ACYP2: variants seen among roughly 807,000 people sequenced by gnomAD.
The protein encoded by ACYP2 is acylphosphatase-2.
Under a neutral mutation model 11.2 loss-of-function variants are expected in ACYP2, and 12 were observed. The observed-to-expected ratio is 1.08, with a 90% CI of 0.69 to 1.74. ACYP2 has a LOEUF of 1.74. Among genes scored for constraint, ACYP2 ranks in the 40% most tolerant of loss-of-function variants. ACYP2 has a pLI of 0.00. For synonymous variants in ACYP2, 43 were observed against 32.2 expected, an observed-to-expected ratio of 1.33 and a Z score of -1.13; for missense variants, 134 against 101.9, an observed-to-expected ratio of 1.31 and a Z score of -1.35.
intron 2 of ACYP2, among the ~76,000 whole-genome samples, chr2:54,039,849 G>A (rs1363066044): frequency 6.6e-6 from 1 of 150,774 alleles, no homozygotes; most frequent in African/African-American, 2.4e-5. Context: ...GTGTGTGTGT[G>A]TGTGTGTGTG....
chr2:54,111,765 T>G (rs1679474025), intron 4 of ACYP2, among the ~76,000 whole-genome samples: 1 of 152,260 alleles, frequency 6.6e-6, no homozygotes, highest in Admixed American at 6.5e-5. Flanking sequence ...ACTTTCAACA[T>G]AATGATTACA....
At chr2:54,209,300 T>C (rs1012474827) in intron 6 of ACYP2, among the ~76,000 whole-genome samples, 8 of 152,196 alleles carry the variant, frequency 5.3e-5, no homozygotes, top group African/African-American at 9.7e-5. Context: ...TAGTTAATAA[T>C]TGTAATGGAA....
intron 6 of ACYP2, among the ~76,000 whole-genome samples, chr2:54,264,276 G>A (rs2104054309): frequency 6.6e-6 from 1 of 152,308 alleles, no homozygotes; most frequent in Admixed American, 6.5e-5. Flanking sequence ...AAGATGTGTT[G>A]TGAAGAGTGA....
chr2:54,219,827 GTATA>G (rs1291541821), intron 6 of ACYP2, among the ~76,000 whole-genome samples: 1 of 143,196 alleles, frequency 7.0e-6, no homozygotes, highest in African/African-American at 2.6e-5. Context: ...ATGTGTGTGT[GTATA>G]TATATGTGTA....
At chr2:54,086,731 G>A (rs1286623589) in intron 4 of ACYP2, among the ~76,000 whole-genome samples, 9 of 152,330 alleles carry the variant, frequency 5.9e-5, no homozygotes, top group Admixed American at 3.3e-4. Flanking sequence ...TGAAACAAGC[G>A]CAGACTGCTA....
At chr2:54,003,937 A>G (rs891982398) in intron 2 of ACYP2, among the ~76,000 whole-genome samples, 1 of 151,780 alleles carries the variant, frequency 6.6e-6, no homozygotes, top group Non-Finnish European at 1.5e-5. Context: ...ATTCTCATAG[A>G]TGCGTAGTGG....
At chr2:54,150,877 G>C (rs1269210131) in intron 6 of ACYP2, among the ~76,000 whole-genome samples, 2 of 151,842 alleles carry the variant, frequency 1.3e-5, no homozygotes, top group South Asian at 2.1e-4. Flanking sequence ...GAGTAGCTGG[G>C]ACTACAGGCG....
At chr2:54,138,476 G>A (rs574978601) in intron 5 of ACYP2, among the ~76,000 whole-genome samples, 163 bp from the exon 3 acceptor site, 4 of 152,254 alleles carry the variant, frequency 2.6e-5, no homozygotes, top group African/African-American at 9.6e-5. Context: ...TTTATGTGAA[G>A]GTTCTTATAA....
chr2:54,135,890 G>A (rs745541709), intron 5 of ACYP2, among the ~76,000 whole-genome samples: 36 of 152,264 alleles, frequency 2.4e-4, no homozygotes, highest in Admixed American at 1.4e-3. Flanking sequence ...GCCACGTCGT[G>A]TTTTAAAATT....
intron 6 of ACYP2, among the ~76,000 whole-genome samples, chr2:54,165,532 C>G (rs1383961046): frequency 7.8e-6 from 1 of 128,076 alleles, no homozygotes; most frequent in Non-Finnish European, 1.7e-5. Flanking sequence ...CTCTCTCTCT[C>G]TCTCACACAC....
chr2:54,146,256 CT>C (rs1681875196), intron 6 of ACYP2, among the ~76,000 whole-genome samples: 1 of 152,164 alleles, frequency 6.6e-6, no homozygotes. Context: ...TGTTTATTCC[CT>C]CAGAAAGTTT....
intron 6 of ACYP2, among the ~76,000 whole-genome samples, chr2:54,208,065 G>A (rs1376296050): frequency 6.6e-6 from 1 of 152,008 alleles, no homozygotes; most frequent in Non-Finnish European, 1.5e-5. Flanking sequence ...GTGATTTGCT[G>A]TTCCTTGATG....
chr2:54,121,085 C>T (rs899550577), intron 4 of ACYP2, among the ~76,000 whole-genome samples: 5 of 152,166 alleles, frequency 3.3e-5, no homozygotes, highest in African/African-American at 1.2e-4. Flanking sequence ...TTTGCACCTG[C>T]CATTCGCTCT....
At chr2:53,988,569 T>C (rs983828896) in intron 2 of ACYP2, among the ~76,000 whole-genome samples, 14 of 151,582 alleles carry the variant, frequency 9.2e-5, no homozygotes, top group African/African-American at 3.4e-4. Flanking sequence ...CCTGGCTATA[T>C]ATATGTATAT....
intron 6 of ACYP2, among the ~76,000 whole-genome samples, chr2:54,262,724 T>C (rs1687835053): frequency 6.6e-6 from 1 of 152,222 alleles, no homozygotes; most frequent in Non-Finnish European, 1.5e-5. Context: ...TACTTTTTTT[T>C]TTTAGAAATA....
chr2:54,115,459 C>A (rs1388550124), intron 4 of ACYP2, 156 bp from the exon 1 acceptor site: 2 of 1,036,390 alleles, frequency 1.9e-6, no homozygotes, highest in Non-Finnish European at 2.7e-6. Context: ...GGAAGAGAGG[C>A]CTAGGATGCC....
At chr2:53,976,247 T>C (rs979733478) in intron 2 of ACYP2, among the ~76,000 whole-genome samples, 2 of 152,170 alleles carry the variant, frequency 1.3e-5, no homozygotes, top group East Asian at 1.9e-4. Flanking sequence ...TTTCACTCTC[T>C]TACAGGCTGG....
chr2:53,975,489 A>G (rs1333544738), intron 2 of ACYP2: 1 of 382,128 alleles, frequency 2.6e-6, no homozygotes, highest in Non-Finnish European at 4.6e-6. Context: ...TCTCAGTCCA[A>G]CTTGTTATCT....
chr2:54,182,591 G>A (rs1457696233), intron 6 of ACYP2, among the ~76,000 whole-genome samples: 1 of 152,158 alleles, frequency 6.6e-6, no homozygotes, highest in Non-Finnish European at 1.5e-5. Flanking sequence ...TCCTGCCTTG[G>A]CCTCCCAAAG....
Sources: gnomAD v4.1 joint callset for allele counts (sites outside exome capture counted in the v4.1 genomes callset) on GRCh38, gnomAD v4.1.1 for gene constraint, MANE v1.5 for transcripts, NCBI Gene and HGNC (gene_info 2026-07-23, HGNC 2026-07-21) for gene names.